The following ELMO1 variants were observed in gnomAD, a reference collection of about 807,000 sequenced individuals.
ELMO1 encodes engulfment and cell motility protein 1.
ELMO1 carries 26 observed loss-of-function variants against 98.9 expected under a neutral mutation model. That is an observed-to-expected ratio of 0.26 (90% CI 0.19 to 0.36). The LOEUF is 0.36. ELMO1 is among the 10% of genes least tolerant of loss of function. The probability of loss-of-function intolerance (pLI) is 1.00; values close to 1 mark genes in which losing one functional copy is unlikely to be tolerated. For missense variants in ELMO1, 627 were observed against 935.2 expected (o/e 0.67, Z 4.30); for synonymous variants, 346 against 346.0 (o/e 1.00, Z 0.00).
At chr7:37,010,301 A>G (rs1793455352) in intron 16 of ELMO1, among the ~76,000 whole-genome samples, 1 of 152,246 alleles carries the variant, frequency 6.6e-6, no homozygotes, top group Admixed American at 6.5e-5. Flanking sequence ...AATAGGCAGA[A>G]TAACAGCTTC....
intron 1 of ELMO1, among the ~76,000 whole-genome samples, chr7:37,427,882 A>G (rs190434494): frequency 6.6e-6 from 1 of 152,352 alleles, no homozygotes; most frequent in East Asian, 1.9e-4. Flanking sequence ...AATAGTGCTC[A>G]AGTCTGCCAG....
intron 7 of ELMO1, among the ~76,000 whole-genome samples, chr7:37,241,820 C>T (rs1387200162): frequency 2.0e-5 from 3 of 152,292 alleles, no homozygotes; most frequent in Admixed American, 6.5e-5. Flanking sequence ...ATTGCATCAA[C>T]ATATGTCATA....
chr7:37,445,712 T>C (rs1019903518), intron 1 of ELMO1, among the ~76,000 whole-genome samples: 1 of 152,212 alleles, frequency 6.6e-6, no homozygotes. Context: ...TTTCTCACTT[T>C]TATTTTTCTT....
At chr7:37,176,557 G>C (rs192504924) in intron 13 of ELMO1, among the ~76,000 whole-genome samples, 17 of 152,276 alleles carry the variant, frequency 1.1e-4, no homozygotes, top group African/African-American at 3.6e-4. Context: ...TATATACAAT[G>C]CATCAACCCA....
intron 1 of ELMO1, among the ~76,000 whole-genome samples, chr7:37,432,297 A>T (rs1804963107): frequency 6.6e-6 from 1 of 152,226 alleles, no homozygotes. Context: ...TATGCTCAGC[A>T]ACTGCCAAGT....
chr7:36,905,444 T>C (rs868644779), intron 16 of ELMO1, among the ~76,000 whole-genome samples: 1 of 152,178 alleles, frequency 6.6e-6, no homozygotes, highest in Non-Finnish European at 1.5e-5. Flanking sequence ...AGGAATTCCA[T>C]TGAAGAAGTA....
chr7:37,059,434 T>C (rs1328465534), intron 15 of ELMO1, among the ~76,000 whole-genome samples: 1 of 152,234 alleles, frequency 6.6e-6, no homozygotes, highest in Non-Finnish European at 1.5e-5. Flanking sequence ...TCTTCTAGTA[T>C]AGCATAGTAG....
At chr7:36,975,045 G>A (rs983404552) in intron 16 of ELMO1, among the ~76,000 whole-genome samples, 11 of 152,206 alleles carry the variant, frequency 7.2e-5, no homozygotes, top group South Asian at 2.1e-4. Flanking sequence ...CACTCACTGC[G>A]AAGGTCCACG....
chr7:37,214,224 G>A (rs1179102774), intron 11 of ELMO1, among the ~76,000 whole-genome samples: 1 of 152,142 alleles, frequency 6.6e-6, no homozygotes, highest in Non-Finnish European at 1.5e-5. Flanking sequence ...CTTTTCAACA[G>A]AGATTCTGAC....
At chr7:37,200,495 C>A (rs1792226872) in intron 13 of ELMO1, among the ~76,000 whole-genome samples, 1 of 152,164 alleles carries the variant, frequency 6.6e-6, no homozygotes, top group Non-Finnish European at 1.5e-5. Context: ...AGAGGCAACC[C>A]TGAACATGTA....
At chr7:36,878,713 A>G (rs1804170979) in intron 18 of ELMO1, among the ~76,000 whole-genome samples, 1 of 152,238 alleles carries the variant, frequency 6.6e-6, no homozygotes, top group South Asian at 2.1e-4. Context: ...AAGAATGGGG[A>G]CATGCACAAT....
At chr7:37,259,788 T>G (rs910928754) in intron 5 of ELMO1, among the ~76,000 whole-genome samples, 15 of 152,236 alleles carry the variant, frequency 9.9e-5, no homozygotes, top group Non-Finnish European at 1.5e-5. Context: ...GTTCAGTCAA[T>G]ACTCTGAGTA....
chr7:36,980,707 T>C (rs1289167231), intron 16 of ELMO1, among the ~76,000 whole-genome samples: 2 of 152,236 alleles, frequency 1.3e-5, no homozygotes, highest in African/African-American at 4.8e-5. Flanking sequence ...GTAATGATAA[T>C]TTTACGTATG....
chr7:37,101,043 T>C (rs1784610288), intron 14 of ELMO1, among the ~76,000 whole-genome samples: 1 of 152,256 alleles, frequency 6.6e-6, no homozygotes, highest in African/African-American at 2.4e-5. Context: ...CTCTTCCTGT[T>C]TCTGCATGGC....
At chr7:37,410,428 A>G (rs1425122) in intron 1 of ELMO1, among the ~76,000 whole-genome samples, 56,879 of 151,994 alleles carry the variant, frequency 0.37, 11,198 homozygotes, top group East Asian at 0.59. Context: ...ACTTGTCTTC[A>G]TGTCTTTCTC....
intron 16 of ELMO1, among the ~76,000 whole-genome samples, chr7:36,918,120 G>A (rs1487154759): frequency 6.6e-6 from 1 of 151,986 alleles, no homozygotes; most frequent in East Asian, 1.9e-4. Context: ...GTAGGGAATG[G>A]GGGGTGAAGA....
At position 37,342,766 on chromosome 7, in the gene ELMO1, A is replaced by G. The variant is rs1800787851; in HGVS notation, c.-73-3T>C. ...TAAACGGCCACACGTGTCTATACCTAATGAGGAATGACAGAAAAAGAAAGA... is the reference window on the plus strand; with the variant it reads ...TAAACGGCCACACGTGTCTATACCTGATGAGGAATGACAGAAAAAGAAAGA... On this transcript the variant is annotated splice_polypyrimidine_tract_variant and splice_region_variant and intron_variant, in intron 1 of 21. Coordinates refer to ENST00000310758, the MANE Select transcript of ELMO1 (RefSeq NM_014800.11). This position sits in a 1 kb window ranked among gnomAD's most constrained non-coding sequence, Gnocchi z 4.3. The G allele has an allele frequency of 2.4e-6, 3 of 1,274,204 alleles. 1 individual carries two copies. The South Asian group carries it at 4.2e-5, about 18-fold the overall frequency. 78.9% of individuals were successfully genotyped at this position (1,274,204 alleles called of 1,614,324 possible).
In ELMO1 at chr7:37,240,741, T is replaced by C. The variant is rs550491533; in HGVS notation, c.449+3615A>G. Among the ~76,000 whole-genome samples the C allele has an allele frequency of 2.1e-4, 32 of 152,346 alleles. No individual in the cohort carries two copies. In the South Asian group the frequency reaches 6.6e-3, roughly 32 times the overall value. On this transcript the variant is annotated intron_variant, in intron 7 of 21. Transcript: ENST00000310758. ...GTTATTCCTTGACTCTTTGATAGTA[T>C]GAAAGAGTGTTTTCTAATTTCCAAA...
rs777515363 is a variant in ELMO1 at position 37,233,076 on chromosome 7, G to T, written c.549+19C>A. The T allele has an allele frequency of 1.3e-6, 2 of 1,598,250 alleles. No homozygotes were observed. The highest frequency in any genetic ancestry group is 1.7e-6 in the Non-Finnish European group (2 of 1,169,056). ...CAGAAGACAGTAAGGAAAGCCTAAA[G>T]AGGCAGAGTCCACCTTACCTTCTTA... On this transcript the variant is annotated intron_variant, in intron 8 of 21. Transcript: ENST00000310758.
Sources: allele counts gnomAD v4.1 joint callset (sites outside exome capture counted in the v4.1 genomes callset), GRCh38; gene constraint gnomAD v4.1.1; non-coding constraint Gnocchi (gnomAD v3.1); transcripts MANE v1.5; gene names NCBI Gene and HGNC (gene_info 2026-07-23, HGNC 2026-07-21).